Variants in STRN observed in about 807,000 individuals in gnomAD.
The protein encoded by STRN is striatin.
STRN carries 53 observed loss-of-function variants against 96.3 expected under a neutral mutation model. The observed-to-expected ratio is 0.55, with a 90% CI of 0.44 to 0.69. The LOEUF is 0.69. STRN is among the 30% of genes least tolerant of loss of function. The pLI, the probability that STRN is intolerant of heterozygous loss-of-function variation, is 0.00. For synonymous variants in STRN, 428 were observed against 355.9 expected (o/e 1.20, Z -2.28); for missense variants, 987 against 963.9 (o/e 1.02, Z -0.32).
chr2:36,925,028 C>G, intron 2 of STRN, 77 bp downstream of exon 2: 1 of 1,351,076 alleles, frequency 7.4e-7, no homozygotes, highest in Non-Finnish European at 1.1e-6. Context: ...TGCACCCCAG[C>G]CTGGGCAACA....
At chr2:36,923,680 TATC>T (rs1670323773) in intron 2 of STRN, among the ~76,000 whole-genome samples, 1 of 152,218 alleles carries the variant, frequency 6.6e-6, no homozygotes, top group Non-Finnish European at 1.5e-5. Flanking sequence ...TATTCATAAA[TATC>T]ATCTATTTAT....
At chr2:36,858,219 T>C (rs545077406) in intron 13 of STRN, among the ~76,000 whole-genome samples, 196 bp from the exon 14 acceptor site, 42 of 152,296 alleles carry the variant, frequency 2.8e-4, no homozygotes, top group Middle Eastern at 3.4e-3. Context: ...GTTAAAAAAT[T>C]TTAAATTAAA....
chr2:36,914,235 C>T (rs1379477541), intron 3 of STRN, among the ~76,000 whole-genome samples: 1 of 152,194 alleles, frequency 6.6e-6, no homozygotes, highest in Non-Finnish European at 1.5e-5. Context: ...AAGCAATCCT[C>T]CCACCTTGGC....
Position 36,847,461 on chromosome 2 carries a change from G to A in STRN, c.*1995C>T, listed in dbSNP as rs748928189. ...GTTAGAAACATTCTTTCTTCACTGT[G>A]AAGAACCAAAAGAAATTTACTGAAC... is the stretch of plus-strand genomic sequence containing the variant. On this transcript the variant is annotated 3_prime_UTR_variant, in exon 18 of 18. Transcript: ENST00000263918. 4.6e-5 allele frequency: 7 copies of A among 152,052 alleles called. No individual in the cohort carries two copies. Among genetic ancestry groups the A allele is most frequent in the Non-Finnish European group, 7.4e-5 (5 of 67,998 alleles). The allele number at this position is 152,052 out of a possible 1,614,324, so 9.4% of individuals were successfully genotyped here. A position where few individuals can be genotyped will look rare whatever the true frequency, so the allele number is the denominator to read the frequency against.
chr2:36,947,131 C>T (rs981385608), intron 1 of STRN, among the ~76,000 whole-genome samples: 14 of 152,264 alleles, frequency 9.2e-5, no homozygotes, highest in African/African-American at 2.9e-4. Context: ...CTCCTGAATT[C>T]ATGATCTGCC....
At chr2:36,861,311 G>A in intron 12 of STRN, 58 bp from the exon 13 acceptor site, 1 of 1,571,526 alleles carries the variant, frequency 6.4e-7, no homozygotes, top group South Asian at 1.2e-5. Context: ...CTGATAATAT[G>A]ACTTGTTAAA....
intron 10 of STRN, among the ~76,000 whole-genome samples, chr2:36,870,100 C>G (rs543362560): frequency 6.6e-6 from 1 of 152,010 alleles, no homozygotes; most frequent in South Asian, 2.1e-4. Flanking sequence ...ATCTTTAAAC[C>G]TGCTAACATT....
intron 1 of STRN, among the ~76,000 whole-genome samples, chr2:36,949,324 T>C (rs1664697261): frequency 6.6e-6 from 1 of 152,228 alleles, no homozygotes; most frequent in Non-Finnish European, 1.5e-5. Flanking sequence ...TGTTGTTAAG[T>C]AATTCATGAC....
intron 1 of STRN, among the ~76,000 whole-genome samples, chr2:36,955,611 C>A (rs2148274277): frequency 6.6e-6 from 1 of 152,290 alleles, no homozygotes; most frequent in Middle Eastern, 3.4e-3. Flanking sequence ...CAATTTCTCT[C>A]TTGCCTCAAG....
intron 1 of STRN, 116 bp downstream of exon 1, chr2:36,966,114 C>T: frequency 8.6e-7 from 1 of 1,157,152 alleles, no homozygotes; most frequent in African/African-American, 2.3e-5. Flanking sequence ...GTGGGATGGG[C>T]GGCAGCAAAG....
chr2:36,919,747 T>C (rs1370772554), intron 2 of STRN, among the ~76,000 whole-genome samples: 2 of 152,096 alleles, frequency 1.3e-5, no homozygotes, highest in African/African-American at 4.8e-5. Flanking sequence ...GTTACTACAG[T>C]AGGGTAGATA....
rs1558619357 is a variant in STRN, at chr2:36,849,024, T to C, written c.*432A>G. 6.2e-6 allele frequency: 1 copy of C among 162,116 alleles called. No individual in the cohort carries two copies. The highest frequency in any genetic ancestry group is 1.4e-5 in the Non-Finnish European group (1 of 73,150). The allele number at this position is 162,116 out of a possible 1,614,324, so 10.0% of individuals were successfully genotyped here. A position where few individuals can be genotyped will look rare whatever the true frequency, so the allele number is the denominator to read the frequency against. On this transcript the variant is annotated 3_prime_UTR_variant, in exon 18 of 18. Transcript: ENST00000263918. Reference sequence around the variant, plus strand: ...AAAGATTACTATTTTGACTACTTAATGTGTTTTAACAAGATTTCTCAGGGG... The same window carrying C: ...AAAGATTACTATTTTGACTACTTAACGTGTTTTAACAAGATTTCTCAGGGG...
At chr2:36,922,361 A>T (rs572146324) in intron 2 of STRN, among the ~76,000 whole-genome samples, 16 of 152,082 alleles carry the variant, frequency 1.1e-4, no homozygotes, top group African/African-American at 3.9e-4. Flanking sequence ...TCTCTAAAAA[A>T]TTAAAAATTT....
chr2:36,854,658 G>A (rs2148128914), intron 15 of STRN, among the ~76,000 whole-genome samples: 1 of 152,272 alleles, frequency 6.6e-6, no homozygotes, highest in Non-Finnish European at 1.5e-5. Context: ...AACCTAAACT[G>A]TGATTGTCTA....
At chr2:36,943,008 A>T (rs1670884442) in intron 1 of STRN, among the ~76,000 whole-genome samples, 1 of 151,970 alleles carries the variant, frequency 6.6e-6, no homozygotes, top group South Asian at 2.1e-4. Flanking sequence ...TTATTTTTTT[A>T]ATTAATAGAA....
At chr2:36,874,025 G>A (rs1044397295) in intron 10 of STRN, among the ~76,000 whole-genome samples, 5 of 151,632 alleles carry the variant, frequency 3.3e-5, no homozygotes, top group Non-Finnish European at 4.4e-5. Flanking sequence ...GGAGGCTGAG[G>A]CGGGTGGATC....
At chr2:36,959,164 A>G (rs1433084720) in intron 1 of STRN, among the ~76,000 whole-genome samples, 2 of 152,316 alleles carry the variant, frequency 1.3e-5, no homozygotes, top group South Asian at 2.1e-4. Flanking sequence ...ATGAAACTAC[A>G]TAACACCAAA....
At chr2:36,949,898 G>T (rs1664708120) in intron 1 of STRN, among the ~76,000 whole-genome samples, 1 of 152,132 alleles carries the variant, frequency 6.6e-6, no homozygotes, top group African/African-American at 2.4e-5. Flanking sequence ...AAGGAATTAG[G>T]TAGAGTGAGA....
chr2:36,915,130 G>C (rs1192635872), intron 3 of STRN, among the ~76,000 whole-genome samples: 3 of 149,502 alleles, frequency 2.0e-5, no homozygotes, highest in African/African-American at 7.4e-5. Context: ...CCGGGAGGTG[G>C]AGCTTGCAGT....
Sources: allele counts gnomAD v4.1 joint callset (sites outside exome capture counted in the v4.1 genomes callset), GRCh38; gene constraint gnomAD v4.1.1; transcripts MANE v1.5; gene names NCBI Gene and HGNC (gene_info 2026-07-23, HGNC 2026-07-21).